The following PKN2 variants were observed in gnomAD, a reference collection of about 807,000 sequenced individuals.
PKN2 encodes serine/threonine-protein kinase N2.
A neutral mutation model predicts 119.1 loss-of-function variants in PKN2; 38 were observed. The ratio of observed to expected loss-of-function variants is 0.32; its 90% CI spans 0.25 to 0.42. The LOEUF is 0.42. PKN2 is among the 10% of genes least tolerant of loss of function. PKN2 has a pLI of 1.00. For synonymous variants in PKN2, 390 were observed against 384.9 expected (o/e 1.01, Z -0.15); for missense variants, 850 against 1,165.1 (o/e 0.73, Z 3.94).
intron 16 of PKN2, among the ~76,000 whole-genome samples, chr1:88,816,449 A>G (rs567751668): frequency 1.6e-3 from 241 of 151,866 alleles, no homozygotes; most frequent in Non-Finnish European, 2.7e-3. Context: ...GTTTCACTCT[A>G]TTGGCCAGGC....
intron 6 of PKN2, among the ~76,000 whole-genome samples, chr1:88,779,040 G>A (rs1003229964): frequency 4.6e-5 from 7 of 152,124 alleles, no homozygotes; most frequent in African/African-American, 7.2e-5. Flanking sequence ...TTCTAGTTAC[G>A]TGAAATAATG....
At chr1:88,807,087 A>G (rs1001636278) in intron 12 of PKN2, among the ~76,000 whole-genome samples, 1 of 152,136 alleles carries the variant, frequency 6.6e-6, no homozygotes. Context: ...AGGCTGAGGT[A>G]GGAGGATTGC....
At chr1:88,802,333 T>A (rs1326683358) in intron 8 of PKN2, among the ~76,000 whole-genome samples, 4 of 151,958 alleles carry the variant, frequency 2.6e-5, no homozygotes, top group African/African-American at 9.7e-5. Flanking sequence ...TTTTAATTTT[T>A]TTTTTTTTTT....
rs566008528 is a variant in PKN2 at position 88,764,017 on chromosome 1, C to G, written c.504+3641C>G. On this transcript the variant is annotated intron_variant, in intron 3 of 21. Transcript: ENST00000370521. The stretch of plus-strand genomic sequence containing the variant: ...TGTGCATGTTGTAATCAGAGCTGTC[C>G]TTTTTAAATTTTTCAGATATTTTCA... Among the ~76,000 whole-genome samples the G allele has an allele frequency of 6.6e-5, 10 of 152,252 alleles. 1 individual carries two copies. In the South Asian group the frequency reaches 1.2e-3, roughly 19 times the overall value.
chr1:88,737,094 A>G (rs1300365969), intron 1 of PKN2, among the ~76,000 whole-genome samples: 1 of 152,010 alleles, frequency 6.6e-6, no homozygotes, highest in Non-Finnish European at 1.5e-5. Flanking sequence ...GGGGTGGAGC[A>G]GGCAGTATTG....
chr1:88,788,225 T>A (rs1670662772), intron 8 of PKN2, among the ~76,000 whole-genome samples: 1 of 152,178 alleles, frequency 6.6e-6, no homozygotes, highest in Non-Finnish European at 1.5e-5. Context: ...TCTAGAAAAA[T>A]TCAAATTATG....
chr1:88,780,083 GT>G (rs35822079), intron 6 of PKN2, among the ~76,000 whole-genome samples: 21,321 of 152,064 alleles, frequency 0.14, 1,931 homozygotes, highest in Middle Eastern at 0.24. Context: ...TGTGATTTTG[GT>G]TTTTTTAAAG....
Position 88,784,660 on chromosome 1 carries a change from T to C in PKN2, c.1007T>C (p.Met336Thr). Residue 336 changes from methionine (M) to threonine (T), a missense_variant, in exon 7 of 22, where the codon ATG becomes ACG. Transcript: ENST00000370521. ...ALTGTLEVRL[M>T]GCQDILENVP... ...ACAGGTACTTTGGAAGTTCGTCTTA[T>C]GGGCTGCCAAGATATCCTAGAGAAT... The C allele has an allele frequency of 2.5e-6, 4 of 1,582,896 alleles. No homozygotes were observed. Among genetic ancestry groups the C allele is most frequent in the Non-Finnish European group, 3.4e-6 (4 of 1,165,432 alleles).
chr1:88,783,207 T>G (rs1186572397), intron 6 of PKN2, among the ~76,000 whole-genome samples: 4 of 152,248 alleles, frequency 2.6e-5, no homozygotes, highest in Non-Finnish European at 4.4e-5. Context: ...ATTAGTACTT[T>G]GATGAATACT....
At chr1:88,776,047 G>A (rs1210395973) in intron 6 of PKN2, among the ~76,000 whole-genome samples, 2 of 151,048 alleles carry the variant, frequency 1.3e-5, no homozygotes, top group African/African-American at 4.9e-5. Context: ...GGCGGAGCTG[G>A]CAGCGAGCCG....
chr1:88,822,197 A>G (rs1348235660), intron 17 of PKN2, among the ~76,000 whole-genome samples, 194 bp downstream of exon 17: 1 of 152,216 alleles, frequency 6.6e-6, no homozygotes, highest in African/African-American at 2.4e-5. Flanking sequence ...TTCCTAATCC[A>G]TAGCACATTT....
intron 16 of PKN2, among the ~76,000 whole-genome samples, chr1:88,818,979 GCGGGGAAC>G (rs1455420610): frequency 5.8e-5 from 8 of 138,262 alleles, no homozygotes; most frequent in African/African-American, 2.5e-4. Flanking sequence ...CTAGCCATAT[GCGGGGAAC>G]TGAAACTGAA....
intron 1 of PKN2, among the ~76,000 whole-genome samples, chr1:88,734,048 C>T (rs1668243421): frequency 6.6e-6 from 1 of 151,636 alleles, no homozygotes; most frequent in South Asian, 2.1e-4. Context: ...GTCTTAGCTA[C>T]TTGGGAGGCT....
intron 8 of PKN2, among the ~76,000 whole-genome samples, chr1:88,792,456 A>G (rs1570638161): frequency 2.0e-5 from 3 of 152,272 alleles, no homozygotes; most frequent in African/African-American, 2.4e-5. Context: ...CTCTGGGGCT[A>G]TATGACTTCT....
chr1:88,820,694 G>A (rs975407155), intron 16 of PKN2, among the ~76,000 whole-genome samples: 2 of 151,982 alleles, frequency 1.3e-5, no homozygotes, highest in East Asian at 1.9e-4. Flanking sequence ...CTGTATGAAC[G>A]GCAGTGGAAT....
intron 1 of PKN2, among the ~76,000 whole-genome samples, chr1:88,696,183 T>A (rs924776253): frequency 3.9e-5 from 6 of 152,250 alleles, no homozygotes; most frequent in Non-Finnish European, 7.3e-5. Context: ...TTCCACCTAT[T>A]TGTAGCCTAT....
chr1:88,786,020 CTT>C lies in PKN2; in HGVS notation c.1172-81_1172-80del, dbSNP rs1272469866. Reference sequence around the variant, plus strand: ...ACTTTATTTTCAAAGGGTCTTAAGACTTTTATTGCTAATCAAACAGCAGTACT... The same window carrying C: ...ACTTTATTTTCAAAGGGTCTTAAGACTTATTGCTAATCAAACAGCAGTACT... On this transcript the variant is annotated intron_variant, in intron 7 of 21. Transcript: ENST00000370521. The C allele has an allele frequency of 7.8e-6, 6 of 771,918 alleles. No homozygotes were observed. In the South Asian group the frequency reaches 8.2e-5, roughly 11 times the overall value. The allele number at this position is 771,918 out of a possible 1,614,324, so 47.8% of individuals were successfully genotyped here. A position where few individuals can be genotyped will look rare whatever the true frequency, so the allele number is the denominator to read the frequency against.
chr1:88,815,130 C>A (rs1047568389), intron 16 of PKN2, among the ~76,000 whole-genome samples: 1 of 152,178 alleles, frequency 6.6e-6, no homozygotes, highest in African/African-American at 2.4e-5. Flanking sequence ...CTTATGCTGC[C>A]ATGGGAATTT....
intron 12 of PKN2, 80 bp downstream of exon 12, chr1:88,806,097 C>A: frequency 8.2e-7 from 1 of 1,217,094 alleles, no homozygotes; most frequent in Non-Finnish European, 1.2e-6. Flanking sequence ...TAAGGCGTGT[C>A]TTTCCATTTA....
Sources: gnomAD v4.1 joint callset for allele counts (sites outside exome capture counted in the v4.1 genomes callset) on GRCh38, gnomAD v4.1.1 for gene constraint, MANE v1.5 for transcripts, NCBI Gene and HGNC (gene_info 2026-07-23, HGNC 2026-07-21) for gene names.